PRELID2: variants seen among roughly 807,000 people sequenced by gnomAD.
The protein encoded by PRELID2 is PRELI domain containing 2.
A neutral mutation model predicts 28.4 loss-of-function variants in PRELID2; 25 were observed. The ratio of observed to expected loss-of-function variants is 0.88; its 90% CI spans 0.64 to 1.23. The LOEUF is 1.23. Among genes scored for constraint, PRELID2 ranks in the 50% most tolerant of loss-of-function variants. PRELID2 has a pLI of 0.00. For synonymous variants in PRELID2, 76 were observed against 71.6 expected (o/e 1.06, Z -0.31); for missense variants, 201 against 214.4 (o/e 0.94, Z 0.39).
chr5:145,706,493 G>A (rs1432170785), intron 1 of PRELID2, among the ~76,000 whole-genome samples: 1 of 152,054 alleles, frequency 6.6e-6, no homozygotes, highest in Non-Finnish European at 1.5e-5. Context: ...TCTAACCACG[G>A]CCTGAATATT....
chr5:145,505,095 T>C (rs1382174422), intron 1 of PRELID2, among the ~76,000 whole-genome samples: 2 of 152,152 alleles, frequency 1.3e-5, no homozygotes, highest in Admixed American at 6.5e-5. Flanking sequence ...TACATGACCA[T>C]AGAAGTATAC....
the PRELID2 span, chr5:145,229,683 C>T: frequency 2.6e-5 from 20 of 764,750 alleles, no homozygotes; most frequent in Admixed American, 6.8e-5. Context: ...AGGCACCATC[C>T]TTTACCATGC....
intron 1 of PRELID2, among the ~76,000 whole-genome samples, chr5:145,566,772 G>A (rs183094748): frequency 2.7e-4 from 41 of 151,014 alleles, no homozygotes; most frequent in Non-Finnish European, 3.2e-4. Context: ...CCTGGGAGGC[G>A]GAGGTTGCAG....
At chr5:145,807,868 C>T (rs1396547846) in intron 4 of PRELID2, among the ~76,000 whole-genome samples, 1 of 152,138 alleles carries the variant, frequency 6.6e-6, no homozygotes, top group South Asian at 2.1e-4. Flanking sequence ...ACTGTGACCT[C>T]AGTGCACAGC....
the PRELID2 span, among the ~76,000 whole-genome samples, chr5:145,301,166 A>C: frequency 6.6e-6 from 1 of 152,122 alleles, no homozygotes; most frequent in Non-Finnish European, 1.5e-5. Flanking sequence ...AGTGCTGTCA[A>C]ATTTTTTAAT....
chr5:145,447,431 A>G, the PRELID2 span, among the ~76,000 whole-genome samples: 127 of 141,826 alleles, frequency 9.0e-4, no homozygotes, highest in Non-Finnish European at 1.7e-3. Flanking sequence ...GTTTTAATGA[A>G]ATCTTTTCTT....
At chr5:145,343,730 G>A in the PRELID2 span, among the ~76,000 whole-genome samples, 2 of 151,584 alleles carry the variant, frequency 1.3e-5, no homozygotes, top group African/African-American at 2.4e-5. Flanking sequence ...CAAAAAATTA[G>A]TGATTTGAAA....
At position 145,573,725 on chromosome 5, in the gene PRELID2, AC is replaced by A. The variant is rs1199472175; in HGVS notation, n.71-100411del. 3.3e-5 allele frequency among the ~76,000 whole-genome samples: 5 copies of A among 152,174 alleles called. 1 individual carries two copies. In the East Asian group the frequency reaches 9.6e-4, roughly 29 times the overall value. Reference sequence around the variant, plus strand: ...TAGTATTCCATGATGTATATGTGCCACATTTTCTTTATCCAGTCTATCACTG... The same window carrying A: ...TAGTATTCCATGATGTATATGTGCCAATTTTCTTTATCCAGTCTATCACTG... On this transcript the variant is annotated intron_variant and non_coding_transcript_variant, in intron 1 of 2. Coordinates refer to the PRELID2 transcript ENST00000510259.
intron 1 of PRELID2, among the ~76,000 whole-genome samples, chr5:145,694,066 C>T (rs994441249): frequency 1.6e-4 from 24 of 152,104 alleles, no homozygotes; most frequent in African/African-American, 4.8e-4. Context: ...TCTGTTTCCT[C>T]CTCTGTAAAA....
chr5:145,443,448 T>C, the PRELID2 span, among the ~76,000 whole-genome samples: 2 of 152,044 alleles, frequency 1.3e-5, no homozygotes, highest in African/African-American at 2.4e-5. Context: ...GCCAACATGA[T>C]AGAACGCTCA....
chr5:145,254,342 T>C, the PRELID2 span, among the ~76,000 whole-genome samples: 2 of 152,136 alleles, frequency 1.3e-5, no homozygotes, highest in African/African-American at 4.8e-5. Flanking sequence ...TTGTTATTAC[T>C]ACTCTGAGGG....
At chr5:145,553,548 A>C (rs1344520047) in intron 1 of PRELID2, among the ~76,000 whole-genome samples, 1 of 152,226 alleles carries the variant, frequency 6.6e-6, no homozygotes, top group Non-Finnish European at 1.5e-5. Context: ...CATTTAAGTA[A>C]GTTCTATTAC....
the PRELID2 span, among the ~76,000 whole-genome samples, chr5:145,307,542 C>T: frequency 6.6e-6 from 1 of 152,172 alleles, no homozygotes; most frequent in African/African-American, 2.4e-5. Flanking sequence ...ATAATAGCTG[C>T]CTCTCAATCC....
chr5:145,741,241 A>T (rs1243285281), intron 1 of PRELID2, among the ~76,000 whole-genome samples: 1 of 108,866 alleles, frequency 9.2e-6, no homozygotes, highest in Admixed American at 1.2e-4. Flanking sequence ...ATATAATATA[A>T]ATATATAATA....
chr5:145,529,307 C>G (rs1752635951), intron 1 of PRELID2, among the ~76,000 whole-genome samples: 1 of 152,140 alleles, frequency 6.6e-6, no homozygotes, highest in African/African-American at 2.4e-5. Flanking sequence ...TAAAGTCTTT[C>G]TCTAATTCCA....
At chr5:145,289,980 C>T in the PRELID2 span, among the ~76,000 whole-genome samples, 2 of 152,032 alleles carry the variant, frequency 1.3e-5, no homozygotes, top group Non-Finnish European at 2.9e-5. Flanking sequence ...TTTAATGCAG[C>T]CAGCAGACAC....
At chr5:145,649,263 A>T (rs145831328) in intron 1 of PRELID2, among the ~76,000 whole-genome samples, 2 of 152,200 alleles carry the variant, frequency 1.3e-5, no homozygotes, top group African/African-American at 4.8e-5. Context: ...GGACTTGAGC[A>T]TCCACAAATC....
chr5:145,592,107 T>C (rs1753237747), intron 1 of PRELID2, among the ~76,000 whole-genome samples: 1 of 152,154 alleles, frequency 6.6e-6, no homozygotes, highest in Non-Finnish European at 1.5e-5. Flanking sequence ...ACAACCATCT[T>C]GCGCATCATT....
chr5:145,441,532 T>A, the PRELID2 span, among the ~76,000 whole-genome samples: 1 of 152,142 alleles, frequency 6.6e-6, no homozygotes, highest in Non-Finnish European at 1.5e-5. Flanking sequence ...ATTGTCATCA[T>A]TGAAATTATA....
Sources: gnomAD v4.1 joint callset for allele counts (sites outside exome capture counted in the v4.1 genomes callset) on GRCh38, gnomAD v4.1.1 for gene constraint, MANE v1.5 for transcripts, NCBI Gene and HGNC (gene_info 2026-07-23, HGNC 2026-07-21) for gene names.